The following CD8A variants were observed in gnomAD, a reference collection of about 807,000 sequenced individuals.
The protein encoded by CD8A is T-cell surface glycoprotein CD8 alpha chain.
Under a neutral mutation model 24.2 loss-of-function variants are expected in CD8A, and 25 were observed. That is an observed-to-expected ratio of 1.03 (90% CI 0.75 to 1.44). The LOEUF is 1.44. Ranked by LOEUF, CD8A falls within the 40% of genes most tolerant of loss-of-function variation. The probability of loss-of-function intolerance (pLI) is 0.00; values close to 1 mark genes in which losing one functional copy is unlikely to be tolerated. For synonymous variants in CD8A, 165 were observed against 149.9 expected, an observed-to-expected ratio of 1.10 and a Z score of -0.74; for missense variants, 360 against 319.7, an observed-to-expected ratio of 1.13 and a Z score of -0.96.
chr2:86,790,680 G>T lies in CD8A; in HGVS notation c.51C>A (p.His17Gln). ...CCCGGAACTGGCTCGGCCTGGCGGC[G>T]TCTGCAGGCGGCAAGCAGCGAGGCT... ...ALLLPLALLL[H>Q]AARPSQFRVS... Residue 17 changes from histidine to glutamine, a missense_variant and splice_region_variant, in exon 2 of 6, where the codon CAC becomes CAA. By Grantham distance (24) the His-to-Gln change is conservative. Transcript: ENST00000283635. 3.1e-6 allele frequency: 5 copies of T among 1,596,632 alleles called. No homozygotes were observed. The highest frequency in any genetic ancestry group is 4.2e-6 in the Non-Finnish European group (5 of 1,178,386).
At chr2:86,799,282 A>G (rs1673583185) in intron 3 of CD8A, among the ~76,000 whole-genome samples, 1 of 152,064 alleles carries the variant, frequency 6.6e-6, no homozygotes, top group Non-Finnish European at 1.5e-5. Context: ...TTTATTTCCC[A>G]CTTTAAAACT....
Position 86,789,707 on chromosome 2 carries a change from C to T in CD8A, c.447G>A (p.Ala149=), listed in dbSNP as rs115370220. ...ACAGGGGCTGCGACGCGATGGTGGG[C>T]GCCGGTGTTGGTGGTCGCGGCGCTG... ...TTPAPRPPTP[A]PTIASQPLSL... The change falls in exon 3 of 6, where the codon GCG becomes GCA. Residue 149 remains alanine, a synonymous_variant. Coordinates refer to ENST00000283635, the MANE Select transcript of CD8A (RefSeq NM_001768.7). 6,673 of 1,392,202 alleles carry T rather than the reference C, an allele frequency of 4.8e-3. 296 individuals are homozygous for T. In the African/African-American group the frequency reaches 0.09, roughly 19 times the overall value. The allele number at this position is 1,392,202 out of a possible 1,614,324, so 86.2% of individuals were successfully genotyped here.
At chr2:86,788,596 C>T in intron 4 of CD8A, 36 bp from the exon 5 acceptor site, 2 of 1,591,182 alleles carry the variant, frequency 1.3e-6, no homozygotes, top group Non-Finnish European at 1.7e-6. Flanking sequence ...AGTGAGTGCC[C>T]CTATCCATCA....
At chr2:86,790,713 C>T in intron 1 of CD8A, 32 bp from the exon 2 acceptor site, 3 of 1,553,436 alleles carry the variant, frequency 1.9e-6, no homozygotes, top group Non-Finnish European at 2.6e-6. Flanking sequence ...GCTGAGCCCG[C>T]AGTCCCGCGC....
At chr2:86,792,443 C>T (rs528490002), upstream of CD8A, among the ~76,000 whole-genome samples, 12 of 152,302 alleles carry the variant, frequency 7.9e-5, no homozygotes, top group African/African-American at 1.9e-4. Flanking sequence ...CTGCATTCTC[C>T]TTGTCCTTGT....
At position 86,785,659 on chromosome 2, in the gene CD8A, C is replaced by T. The variant is rs1672967324; in HGVS notation, c.*261G>A. On this transcript the variant is annotated 3_prime_UTR_variant, in exon 6 of 6. Transcript: ENST00000283635. ...GATTCTGAGAACTCTGCGGGTAGCT[C>T]TGGCCTGCCCCTTTCCACGCCCTAC... is the stretch of plus-strand genomic sequence containing the variant. 2 of 665,434 alleles carry T rather than the reference C, an allele frequency of 3.0e-6. No individual in the cohort carries two copies. Among genetic ancestry groups the T allele is most frequent in the South Asian group, 3.0e-5 (2 of 66,440 alleles). The allele number at this position is 665,434 out of a possible 1,614,324, so 41.2% of individuals were successfully genotyped here.
In CD8A at chr2:86,784,848, C is replaced by G. The variant is rs1273129180; in HGVS notation, c.*1072G>C. On this transcript the variant is annotated 3_prime_UTR_variant, in exon 6 of 6. Transcript: ENST00000283635. ...CTCCAATGGGCAGGCATTGCTTGTA[C>G]CATACCTTAAGCAAGGAAGTGCATG... is the stretch of plus-strand genomic sequence containing the variant. 2 of 454,064 alleles carry G rather than the reference C, an allele frequency of 4.4e-6. No individual in the cohort carries two copies. The highest frequency in any genetic ancestry group is 4.4e-6 in the Non-Finnish European group (1 of 226,764). 28.1% of individuals were successfully genotyped at this position (454,064 alleles called of 1,614,324 possible).
chr2:86,797,083 T>C (rs1045538253), intron 3 of CD8A, among the ~76,000 whole-genome samples: 1 of 152,206 alleles, frequency 6.6e-6, no homozygotes. Context: ...CAGAAGGACC[T>C]AGATGGATCC....
chr2:86,793,409 G>A (rs1673375286), upstream of CD8A, among the ~76,000 whole-genome samples: 1 of 152,016 alleles, frequency 6.6e-6, no homozygotes, highest in Non-Finnish European at 1.5e-5. Flanking sequence ...CTGGCCTATC[G>A]ATGTATGCAT....
At chr2:86,801,816 A>C (rs1460117075) in intron 2 of CD8A, among the ~76,000 whole-genome samples, 2 of 152,210 alleles carry the variant, frequency 1.3e-5, no homozygotes, top group Non-Finnish European at 2.9e-5. Context: ...TCTAGCAATC[A>C]ATAAATAAAA....
chr2:86,799,032 G>A (rs185419365), intron 3 of CD8A, among the ~76,000 whole-genome samples: 40 of 152,268 alleles, frequency 2.6e-4, no homozygotes, highest in African/African-American at 9.6e-4. Context: ...AATGCTGTGT[G>A]GTGTATTATC....
intron 2 of CD8A, among the ~76,000 whole-genome samples, chr2:86,805,198 T>G (rs925240432): frequency 6.6e-6 from 1 of 152,182 alleles, no homozygotes; most frequent in Non-Finnish European, 1.5e-5. Context: ...ACTGCCACTT[T>G]CATTTATTCA....
At chr2:86,805,549 T>G (rs1055475977) in intron 2 of CD8A, among the ~76,000 whole-genome samples, 2 of 152,204 alleles carry the variant, frequency 1.3e-5, no homozygotes, top group Non-Finnish European at 1.5e-5. Context: ...TCTCGTTGTT[T>G]AAACCTGACT....
rs773336563 is a variant in CD8A at position 86,789,402 on chromosome 2, A to G, written c.546T>C (p.Asp182=). ...CGGCCAAGGGCGCCCAGATGTAGAT[A>G]TCACAGGCGAAGTCCAGCCCCCTCG... ...VHTRGLDFAC[D]IYIWAPLAGT... The change falls in exon 4 of 6, where the codon GAT becomes GAC. Residue 182 remains aspartate (D), a synonymous_variant. Transcript: ENST00000283635. 1.2e-6 allele frequency: 2 copies of G among 1,613,976 alleles called. No individual in the cohort carries two copies. The highest frequency in any genetic ancestry group is 1.7e-6 in the Non-Finnish European group (2 of 1,179,868).
intron 3 of CD8A, among the ~76,000 whole-genome samples, chr2:86,796,412 A>G (rs909877275): frequency 2.0e-5 from 3 of 152,266 alleles, no homozygotes; most frequent in Admixed American, 2.0e-4. Flanking sequence ...AAGGTGAATT[A>G]TAAACATCAA....
rs139743836 is a variant in CD8A at position 86,789,439 on chromosome 2, G to A, written c.515-6C>T. ...GTCCAGCCCCCTCGTGTGCACTGACGACACCAAAGACGCCGACATTTAGGA... is the reference window on the plus strand; with the variant it reads ...GTCCAGCCCCCTCGTGTGCACTGACAACACCAAAGACGCCGACATTTAGGA... On this transcript the variant is annotated splice_region_variant and splice_polypyrimidine_tract_variant and intron_variant, in intron 3 of 5. Coordinates refer to ENST00000283635, the MANE Select transcript of CD8A (RefSeq NM_001768.7). 447 of 1,600,680 alleles carry A rather than the reference G, an allele frequency of 2.8e-4. No homozygotes were observed. In the African/African-American group the frequency reaches 5.3e-3, roughly 19 times the overall value.
chr2:86,785,427 C>A lies in CD8A; in HGVS notation c.*493G>T, dbSNP rs1338621381. 2.2e-6 allele frequency: 1 copy of A among 454,842 alleles called. No individual in the cohort carries two copies. The highest frequency in any genetic ancestry group is 4.4e-6 in the Non-Finnish European group (1 of 227,442). The allele number at this position is 454,842 out of a possible 1,614,324, so 28.2% of individuals were successfully genotyped here. ...TGCCGTTGGAGACTCAAGCACCTCACCCTGAGACAGGGGCCTCGGAAAGAA... is the reference window on the plus strand; with the variant it reads ...TGCCGTTGGAGACTCAAGCACCTCAACCTGAGACAGGGGCCTCGGAAAGAA... On this transcript the variant is annotated 3_prime_UTR_variant, in exon 6 of 6. Transcript: ENST00000283635.
At chr2:86,787,898 A>AGAGTGT (rs369993109) in intron 5 of CD8A, among the ~76,000 whole-genome samples, 3,863 of 144,536 alleles carry the variant, frequency 0.027, 80 homozygotes, top group African/African-American at 0.052. Context: ...AGAGAGAGAG[A>AGAGTGT]GTGTGTGTGT....
intron 3 of CD8A, among the ~76,000 whole-genome samples, chr2:86,796,942 C>G (rs1673503513): frequency 6.6e-6 from 1 of 152,112 alleles, no homozygotes; most frequent in Non-Finnish European, 1.5e-5. Flanking sequence ...CTATATAAAC[C>G]CCTTAATTTT....
Sources: gnomAD v4.1 joint callset for allele counts (sites outside exome capture counted in the v4.1 genomes callset) on GRCh38, gnomAD v4.1.1 for gene constraint, MANE v1.5 for transcripts, NCBI Gene and HGNC (gene_info 2026-07-23, HGNC 2026-07-21) for gene names.